The following TENM3 variants were observed in gnomAD, a reference collection of about 807,000 sequenced individuals.
TENM3 encodes the protein teneurin transmembrane protein 3.
TENM3 carries 63 observed loss-of-function variants against 255.1 expected under a neutral mutation model. The ratio of observed to expected loss-of-function variants is 0.25; its 90% confidence interval spans 0.20 to 0.30. The LOEUF (loss-of-function observed/expected upper bound fraction) is 0.30, where lower values mean the gene tolerates loss of function less well. TENM3 is among the 10% of genes least tolerant of loss of function. TENM3 has a pLI of 1.00. For synonymous variants in TENM3, 1,306 were observed against 1,322.3 expected, an observed-to-expected ratio of 0.99 and a Z score of 0.27; for missense variants, 2,929 against 3,461.1, an observed-to-expected ratio of 0.85 and a Z score of 3.86.
At chr4:182,379,290 G>A (rs1767402514) in intron 3 of TENM3, among the ~76,000 whole-genome samples, 2 of 57,400 alleles carry the variant, frequency 3.5e-5, no homozygotes, top group Admixed American at 3.3e-4. Context: ...CCGGGGAGTG[G>A]AGGTTGCAGT....
At chr4:181,886,268 C>T in the TENM3 span, among the ~76,000 whole-genome samples, 2 of 152,126 alleles carry the variant, frequency 1.3e-5, no homozygotes, top group African/African-American at 4.8e-5. Context: ...GGTCAGGCTA[C>T]TTTCGAACTC....
rs763308790 is a variant in TENM3 at position 182,714,158 on chromosome 4, C to G, written c.2293C>G (p.Gln765Glu). Reference protein sequence around the residue: ...LDQNGWHCVCQPGWRGAGCDV... With the variant: ...LDQNGWHCVCEPGWRGAGCDV... ...CCAAAATGGCTGGCATTGTGTGTGC[C>G]AGCCTGGATGGAGAGGAGCAGGCTG... is the stretch of plus-strand genomic sequence containing the variant. The change falls in exon 13 of 28, where the codon CAG (glutamine) becomes GAG (glutamate). Residue 765 changes from glutamine (Q) to glutamate (E), a missense_variant. By Grantham distance (29) the Gln-to-Glu change is conservative. Transcript: ENST00000511685. 1 of 1,613,768 alleles carries G rather than the reference C, an allele frequency of 6.2e-7. No individual in the cohort carries two copies. Among genetic ancestry groups the G allele is most frequent in the South Asian group, 1.1e-5 (1 of 91,074 alleles).
the TENM3 span, among the ~76,000 whole-genome samples, chr4:181,742,475 T>C: frequency 6.6e-6 from 1 of 152,090 alleles, no homozygotes; most frequent in African/African-American, 2.4e-5. Flanking sequence ...GATTGTAATA[T>C]TAAGCAAAAC....
chr4:181,939,466 G>A, the TENM3 span, among the ~76,000 whole-genome samples: 1 of 152,244 alleles, frequency 6.6e-6, no homozygotes, highest in African/African-American at 2.4e-5. Context: ...AAGAGCTGTG[G>A]CTGTGATCAG....
the TENM3 span, among the ~76,000 whole-genome samples, chr4:182,056,588 G>A: frequency 1.3e-5 from 2 of 152,136 alleles, no homozygotes; most frequent in Non-Finnish European, 2.9e-5. Context: ...TTAGCTCCAA[G>A]AATGATATTG....
the TENM3 span, among the ~76,000 whole-genome samples, chr4:181,713,458 G>A: frequency 6.6e-6 from 1 of 152,152 alleles, no homozygotes; most frequent in South Asian, 2.1e-4. Flanking sequence ...GTCAAAGGAG[G>A]TATTGTAGTA....
At chr4:181,549,894 G>T in the TENM3 span, among the ~76,000 whole-genome samples, 1 of 151,946 alleles carries the variant, frequency 6.6e-6, no homozygotes, top group Non-Finnish European at 1.5e-5. Context: ...TCTGATTCTG[G>T]TACACCTAAT....
At chr4:182,490,827 A>G (rs17256362) in intron 3 of TENM3, among the ~76,000 whole-genome samples, 65,646 of 151,936 alleles carry the variant, frequency 0.43, 14,500 homozygotes, top group Non-Finnish European at 0.47. Context: ...TGGATGCTGA[A>G]CTGCACACTT....
the TENM3 span, among the ~76,000 whole-genome samples, chr4:182,064,472 ACTCG>A: frequency 6.6e-6 from 1 of 151,834 alleles, no homozygotes; most frequent in Non-Finnish European, 1.5e-5. Flanking sequence ...CAGCTACTCT[ACTCG>A]GGAGGCTGAG....
At chr4:182,069,686 A>AACACACACACACACACAC in the TENM3 span, among the ~76,000 whole-genome samples, 58 of 149,550 alleles carry the variant, frequency 3.9e-4, no homozygotes, top group South Asian at 1.3e-3. Flanking sequence ...TAGATGCATA[A>AACACACACACACACACAC]ACACACACAC....
At chr4:181,751,947 A>G in the TENM3 span, among the ~76,000 whole-genome samples, 4 of 152,288 alleles carry the variant, frequency 2.6e-5, no homozygotes, top group South Asian at 8.3e-4. Context: ...TCCACTAGGT[A>G]TACCACAGGT....
At chr4:182,293,503 G>A (rs1183874854) in intron 1 of TENM3, among the ~76,000 whole-genome samples, 1 of 152,066 alleles carries the variant, frequency 6.6e-6, no homozygotes, top group Admixed American at 6.5e-5. Context: ...TTCCTTTCTT[G>A]AGATGTCAAA....
chr4:182,526,399 TC>T (rs1739186236), intron 3 of TENM3, among the ~76,000 whole-genome samples: 1 of 152,138 alleles, frequency 6.6e-6, no homozygotes, highest in Admixed American at 6.5e-5. Context: ...CTGTACATAG[TC>T]TAATCGTATG....
At chr4:182,548,499 A>T (rs1157471026) in intron 3 of TENM3, among the ~76,000 whole-genome samples, 2 of 152,132 alleles carry the variant, frequency 1.3e-5, no homozygotes, top group East Asian at 3.9e-4. Flanking sequence ...TACCTGGGGG[A>T]GGAACACTTC....
the TENM3 span, among the ~76,000 whole-genome samples, chr4:181,541,592 C>T: frequency 6.6e-6 from 1 of 152,100 alleles, no homozygotes; most frequent in Non-Finnish European, 1.5e-5. Flanking sequence ...CATCCTATTG[C>T]AGAGAAGTTG....
chr4:182,158,860 G>A (rs1268022410), intron 1 of TENM3, among the ~76,000 whole-genome samples: 1 of 152,184 alleles, frequency 6.6e-6, no homozygotes, highest in Non-Finnish European at 1.5e-5. Context: ...AATTCTCTAA[G>A]AAAGGAGAGT....
the TENM3 span, among the ~76,000 whole-genome samples, chr4:181,583,536 A>G: frequency 6.6e-5 from 10 of 152,174 alleles, no homozygotes; most frequent in African/African-American, 1.4e-4. Context: ...GCCCTTGAAA[A>G]TAACACTTTA....
the TENM3 span, among the ~76,000 whole-genome samples, chr4:181,795,826 A>G: frequency 1.3e-5 from 2 of 152,184 alleles, no homozygotes; most frequent in African/African-American, 4.8e-5. Context: ...ACATGATGGG[A>G]ATCCATGGGG....
chr4:181,844,267 GA>G, the TENM3 span, among the ~76,000 whole-genome samples: 1 of 152,082 alleles, frequency 6.6e-6, no homozygotes, highest in Admixed American at 6.6e-5. Flanking sequence ...ACTTTGGGGG[GA>G]CACATTCAAA....
Sources: allele counts gnomAD v4.1 joint callset (sites outside exome capture counted in the v4.1 genomes callset), GRCh38; gene constraint gnomAD v4.1.1; transcripts MANE v1.5; gene names NCBI Gene and HGNC (gene_info 2026-07-23, HGNC 2026-07-21).